Variants in PTPRT observed in about 807,000 individuals in gnomAD.
The protein encoded by PTPRT is receptor-type tyrosine-protein phosphatase T.
PTPRT carries 56 observed loss-of-function variants against 176.8 expected under a neutral mutation model. The ratio of observed to expected loss-of-function variants is 0.32; its 90% CI spans 0.26 to 0.40. PTPRT has a LOEUF of 0.40. PTPRT is among the 10% of genes least tolerant of loss of function. The pLI is 1.00. For missense variants in PTPRT, 1,540 were observed against 1,908.2 expected (o/e 0.81, Z 3.60); for synonymous variants, 783 against 739.0 (o/e 1.06, Z -0.96).
At chr20:42,442,667 G>GT (rs1289775552) in intron 9 of PTPRT, among the ~76,000 whole-genome samples, 1 of 152,202 alleles carries the variant, frequency 6.6e-6, no homozygotes, top group East Asian at 1.9e-4. Context: ...CGTTAACCCA[G>GT]TTGCAAGTGT....
Position 42,448,290 on chromosome 20 carries a change from G to T in PTPRT, c.1490C>A (p.Pro497His), listed in dbSNP as rs2145852823. ...CTGGATGTAGATCTTCTCCTCAAAG[G>T]GCCCCCCTTGGATGGATTCTAGAGG... ...AVPLESIQGG[P>H]FEEKIYIQWK... The change falls in exon 9 of 31, where the codon CCC (proline) becomes CAC (histidine). Residue 497 changes from proline to histidine, a missense_variant. Pro to His is a moderately conservative substitution (Grantham distance 77, BLOSUM62 -2). Transcript: ENST00000373187. 2 of 1,613,448 alleles carry T rather than the reference G, an allele frequency of 1.2e-6. No individual in the cohort carries two copies. Among genetic ancestry groups the T allele is most frequent in the Non-Finnish European group, 8.5e-7 (1 of 1,179,538 alleles).
chr20:42,624,857 G>A (rs1228627960), intron 7 of PTPRT, among the ~76,000 whole-genome samples: 1 of 152,056 alleles, frequency 6.6e-6, no homozygotes, highest in South Asian at 2.1e-4. Context: ...ATGCAAACAA[G>A]CGTAAAAAGT....
At chr20:42,852,493 A>T (rs1389178432) in intron 2 of PTPRT, among the ~76,000 whole-genome samples, 1 of 152,156 alleles carries the variant, frequency 6.6e-6, no homozygotes, top group Non-Finnish European at 1.5e-5. Flanking sequence ...TGGTCCCTAA[A>T]ACCTCTTGCT....
At position 42,092,225 on chromosome 20, in the gene PTPRT, C is replaced by G. The variant is rs527890097; in HGVS notation, c.3846+6196G>C. 5.3e-5 allele frequency among the ~76,000 whole-genome samples: 8 copies of G among 152,268 alleles called. No homozygotes were observed. In the South Asian group the frequency reaches 1.7e-3, roughly 32 times the overall value. Reference sequence around the variant, plus strand: ...CTTCAGAAAGAGGATGTGTGATGTTCAACTTGAAGTCATGGGCATTGCTGG... The same window carrying G: ...CTTCAGAAAGAGGATGTGTGATGTTGAACTTGAAGTCATGGGCATTGCTGG... On this transcript the variant is annotated intron_variant, in intron 27 of 30. Coordinates refer to ENST00000373187, the MANE Select transcript of PTPRT (RefSeq NM_007050.6).
intron 1 of PTPRT, among the ~76,000 whole-genome samples, chr20:42,991,157 AG>A (rs1983891200): frequency 1.3e-5 from 2 of 152,304 alleles, no homozygotes; most frequent in South Asian, 4.1e-4. Context: ...GGCTGAGTTA[AG>A]GGTTGTAGTT....
At chr20:42,852,163 T>C (rs1448101526) in intron 2 of PTPRT, among the ~76,000 whole-genome samples, 1 of 152,226 alleles carries the variant, frequency 6.6e-6, no homozygotes, top group Non-Finnish European at 1.5e-5. Flanking sequence ...GCATTTCATC[T>C]TCTATCCAAA....
At position 42,646,882 on chromosome 20, in the gene PTPRT, C is replaced by CTTTTTTTTTTTTTTT. The variant is rs1161994908; in HGVS notation, c.1153+30969_1153+30983dup. ...TCTAGAGATCCCAACCTAAGACAGC[C>CTTTTTTTTTTTTTTT]TTTTTTTTTTTTTTTTTTTTTTTTT... On this transcript the variant is annotated intron_variant, in intron 7 of 30. Transcript: ENST00000373187. Among the ~76,000 whole-genome samples, 14 of 76,282 alleles carry CTTTTTTTTTTTTTTT rather than the reference C, an allele frequency of 1.8e-4. 2 individuals carry two copies. Among genetic ancestry groups the CTTTTTTTTTTTTTTT allele is most frequent in the African/African-American group, 1.0e-3 (14 of 13,366 alleles). 50.0% of individuals were successfully genotyped at this position (76,282 alleles called of 152,430 possible).
intron 7 of PTPRT, among the ~76,000 whole-genome samples, chr20:42,586,977 C>A (rs1437533216): frequency 6.6e-6 from 1 of 152,134 alleles, no homozygotes; most frequent in Admixed American, 6.5e-5. Flanking sequence ...CCCTGATGGA[C>A]CCCATGGTCC....
At chr20:42,244,705 G>A (rs1409938066) in intron 14 of PTPRT, among the ~76,000 whole-genome samples, 2 of 152,166 alleles carry the variant, frequency 1.3e-5, no homozygotes, top group Admixed American at 6.5e-5. Context: ...ATAAAATCGA[G>A]CTATATGAAA....
intron 1 of PTPRT, among the ~76,000 whole-genome samples, chr20:42,990,066 T>C (rs1192591346): frequency 6.6e-6 from 1 of 152,224 alleles, no homozygotes; most frequent in Non-Finnish European, 1.5e-5. Flanking sequence ...CTAAGTATCA[T>C]GACACGCACA....
In PTPRT at chr20:42,228,759, C is replaced by T. The variant is rs532569012; in HGVS notation, c.2342+7470G>A. ...TATCTTTGTTCATTCATCTAATCAA[C>T]ACAATCTTATGATGCCTGATTTGTC... On this transcript the variant is annotated intron_variant, in intron 15 of 30. Coordinates refer to ENST00000373187, the MANE Select transcript of PTPRT (RefSeq NM_007050.6). 2.5e-4 allele frequency among the ~76,000 whole-genome samples: 38 copies of T among 152,330 alleles called. 1 individual carries two copies. In the South Asian group the frequency reaches 7.0e-3, roughly 28 times the overall value.
intron 2 of PTPRT, among the ~76,000 whole-genome samples, chr20:42,852,446 A>C (rs1418233193): frequency 2.0e-5 from 3 of 152,122 alleles, no homozygotes; most frequent in African/African-American, 7.2e-5. Flanking sequence ...ACATAGAAAA[A>C]ACCTGCTAAT....
chr20:43,077,883 A>C (rs1600696327), intron 1 of PTPRT, among the ~76,000 whole-genome samples: 1 of 152,218 alleles, frequency 6.6e-6, no homozygotes, highest in South Asian at 2.1e-4. Context: ...TTCTAGACCA[A>C]CCCTAACTGT....
intron 7 of PTPRT, among the ~76,000 whole-genome samples, chr20:42,640,251 G>T (rs551316724): frequency 1.3e-5 from 2 of 151,996 alleles, no homozygotes; most frequent in South Asian, 2.1e-4. Flanking sequence ...TTTTTTTATT[G>T]GTAGTTATAT....
At chr20:42,689,727 G>C (rs2146113635) in intron 6 of PTPRT, among the ~76,000 whole-genome samples, 1 of 152,254 alleles carries the variant, frequency 6.6e-6, no homozygotes, top group Admixed American at 6.5e-5. Context: ...GTGAAGAAGG[G>C]AGGCAGGAGA....
chr20:42,578,532 C>T (rs2073305911), intron 7 of PTPRT, among the ~76,000 whole-genome samples: 2 of 152,256 alleles, frequency 1.3e-5, no homozygotes, highest in South Asian at 4.2e-4. Flanking sequence ...AATAAACCTG[C>T]TCCATCGACA....
intron 1 of PTPRT, among the ~76,000 whole-genome samples, chr20:43,141,798 C>T (rs2146401654): frequency 6.6e-6 from 1 of 152,242 alleles, no homozygotes; most frequent in South Asian, 2.1e-4. Context: ...TCTTTATTCC[C>T]AGAACAGTTT....
intron 11 of PTPRT, among the ~76,000 whole-genome samples, chr20:42,339,733 G>A (rs2058086623): frequency 6.6e-6 from 1 of 152,168 alleles, no homozygotes. Flanking sequence ...TAGAACCCCA[G>A]CTGATTATGA....
intron 27 of PTPRT, among the ~76,000 whole-genome samples, chr20:42,090,582 C>G (rs1431389421): frequency 6.6e-6 from 1 of 152,160 alleles, no homozygotes; most frequent in Admixed American, 6.5e-5. Flanking sequence ...CTTGCAGAAA[C>G]CAGCAAGAAA....
Sources: allele counts gnomAD v4.1 joint callset (sites outside exome capture counted in the v4.1 genomes callset), GRCh38; gene constraint gnomAD v4.1.1; transcripts MANE v1.5; gene names NCBI Gene and HGNC (gene_info 2026-07-23, HGNC 2026-07-21).